FAM81A: variants seen among roughly 807,000 people sequenced by gnomAD.
The protein encoded by FAM81A is family with sequence similarity 81 member A, also known as protein FAM81A.
FAM81A carries 19 observed loss-of-function variants against 46.7 expected under a neutral mutation model. The ratio of observed to expected loss-of-function variants is 0.41; its 90% CI spans 0.28 to 0.60. FAM81A has a LOEUF of 0.60. Among genes scored for constraint, FAM81A ranks in the 20% least tolerant of loss-of-function variants. The pLI, the probability that FAM81A is intolerant of heterozygous loss-of-function variation, is 0.34. For missense variants in FAM81A, 377 were observed against 453.5 expected (o/e 0.83, Z 1.53); for synonymous variants, 183 against 152.9 (o/e 1.20, Z -1.45).
At chr15:59,425,678 T>C (rs752542235) in intron 2 of FAM81A, among the ~76,000 whole-genome samples, 3 of 152,174 alleles carry the variant, frequency 2.0e-5, no homozygotes, top group Admixed American at 2.0e-4. Context: ...TATACTGGAG[T>C]ACAGTGGCAT....
chr15:59,498,103 G>T (rs1417761643), intron 4 of FAM81A, among the ~76,000 whole-genome samples: 2 of 152,154 alleles, frequency 1.3e-5, no homozygotes, highest in African/African-American at 4.8e-5. Context: ...TCTCACTTTG[G>T]CCTCCCAAAG....
chr15:59,515,620 A>G (rs1445351918), intron 7 of FAM81A, among the ~76,000 whole-genome samples: 1 of 152,216 alleles, frequency 6.6e-6, no homozygotes, highest in Non-Finnish European at 1.5e-5. Context: ...GAAAGGAAAG[A>G]CTTAATTTTC....
At chr15:59,443,316 A>G (rs780110824) in intron 1 of FAM81A, among the ~76,000 whole-genome samples, 1 of 152,162 alleles carries the variant, frequency 6.6e-6, no homozygotes, top group Non-Finnish European at 1.5e-5. Flanking sequence ...TCCTGACCTC[A>G]GGTGATCTGC....
At chr15:59,406,191 C>T (rs62015012) in intron 2 of FAM81A, among the ~76,000 whole-genome samples, 25,105 of 152,132 alleles carry the variant, frequency 0.17, 2,490 homozygotes, top group Non-Finnish European at 0.22. Context: ...ACCTCCCCTC[C>T]CCAAGCCAAG....
chr15:59,448,301 C>T (rs779207682), intron 1 of FAM81A, among the ~76,000 whole-genome samples: 1 of 152,046 alleles, frequency 6.6e-6, no homozygotes, highest in Non-Finnish European at 1.5e-5. Flanking sequence ...CACTTGAACC[C>T]GGGAGGTAGA....
At chr15:59,472,071 A>G (rs1029015469) in intron 3 of FAM81A, among the ~76,000 whole-genome samples, 1 of 152,180 alleles carries the variant, frequency 6.6e-6, no homozygotes, top group Admixed American at 6.5e-5. Context: ...CATTGAATAC[A>G]AACTGGGATG....
At chr15:59,409,911 C>T (rs149759886) in intron 2 of FAM81A, among the ~76,000 whole-genome samples, 3 of 152,108 alleles carry the variant, frequency 2.0e-5, no homozygotes, top group East Asian at 3.9e-4. Flanking sequence ...ATTATTAGTA[C>T]AGAAATTATT....
intron 6 of FAM81A, 66 bp downstream of exon 6, chr15:59,509,035 T>C: frequency 8.1e-7 from 1 of 1,231,036 alleles, no homozygotes; most frequent in Non-Finnish European, 1.1e-6. Flanking sequence ...AATACTATGA[T>C]TTTTTTCCTC....
chr15:59,448,237 T>C (rs984562955), intron 1 of FAM81A, among the ~76,000 whole-genome samples: 1 of 152,066 alleles, frequency 6.6e-6, no homozygotes, highest in African/African-American at 2.4e-5. Flanking sequence ...ATTAGCTGTG[T>C]GTGGTGGCAT....
At chr15:59,509,063 C>A in intron 6 of FAM81A, 94 bp downstream of exon 6, 1 of 942,628 alleles carries the variant, frequency 1.1e-6, no homozygotes, top group Non-Finnish European at 1.5e-6. Context: ...TTATTTATTG[C>A]ACAAATTGAA....
At chr15:59,469,998 GAAAA>G (rs2081664532) in intron 3 of FAM81A, among the ~76,000 whole-genome samples, 1 of 152,002 alleles carries the variant, frequency 6.6e-6, no homozygotes, top group Non-Finnish European at 1.5e-5. Context: ...ATTCTGGGTG[GAAAA>G]AATTCTTTTC....
intron 2 of FAM81A, among the ~76,000 whole-genome samples, chr15:59,414,445 G>A (rs2081136893): frequency 1.3e-5 from 2 of 152,228 alleles, no homozygotes; most frequent in Admixed American, 6.5e-5. Flanking sequence ...CCCAAAACCA[G>A]TGGGATTTAG....
intron 2 of FAM81A, among the ~76,000 whole-genome samples, chr15:59,405,041 T>C (rs1369737552): frequency 6.6e-6 from 1 of 152,178 alleles, no homozygotes; most frequent in East Asian, 1.9e-4. Context: ...CTGCCAAGAG[T>C]GCTCTTTCTT....
At chr15:59,497,577 T>C (rs2082047618) in intron 4 of FAM81A, among the ~76,000 whole-genome samples, 1 of 152,098 alleles carries the variant, frequency 6.6e-6, no homozygotes, top group African/African-American at 2.4e-5. Context: ...AGTCTTTCAG[T>C]GGGTTCAGTG....
intron 1 of FAM81A, among the ~76,000 whole-genome samples, chr15:59,447,879 C>T (rs1157669573): frequency 2.0e-5 from 3 of 152,124 alleles, no homozygotes; most frequent in Non-Finnish European, 4.4e-5. Flanking sequence ...GATACAGGAG[C>T]GAAGGAAGGC....
At chr15:59,408,153 ATC>A (rs2081104915) in intron 2 of FAM81A, 1 of 155,356 alleles carries the variant, frequency 6.4e-6, no homozygotes, top group Admixed American at 6.5e-5. Context: ...CCCTTTTGGC[ATC>A]TTGGGCGGTG....
intron 3 of FAM81A, among the ~76,000 whole-genome samples, chr15:59,464,780 G>A (rs1242105267): frequency 6.6e-6 from 1 of 152,032 alleles, no homozygotes; most frequent in Admixed American, 6.5e-5. Flanking sequence ...TTCACTTTGT[G>A]GATTGCTTCC....
intron 3 of FAM81A, among the ~76,000 whole-genome samples, chr15:59,462,831 C>T (rs2141652520): frequency 6.6e-6 from 1 of 152,242 alleles, no homozygotes; most frequent in Non-Finnish European, 1.5e-5. Context: ...CATAATGTAG[C>T]ATGTATCAGA....
intron 4 of FAM81A, among the ~76,000 whole-genome samples, chr15:59,505,924 G>T (rs1367780701): frequency 6.6e-6 from 1 of 152,152 alleles, no homozygotes; most frequent in Non-Finnish European, 1.5e-5. Flanking sequence ...TTCCTTGAAT[G>T]TCTGGCCATC....
Sources: gnomAD v4.1 joint callset for allele counts (sites outside exome capture counted in the v4.1 genomes callset) on GRCh38, gnomAD v4.1.1 for gene constraint, MANE v1.5 for transcripts, NCBI Gene and HGNC (gene_info 2026-07-23, HGNC 2026-07-21) for gene names.